The following SLC17A1 variants were observed in gnomAD, a reference collection of about 807,000 sequenced individuals.
The protein encoded by SLC17A1 is solute carrier family 17 member 1, also known as sodium-dependent phosphate transport protein 1.
SLC17A1 carries 51 observed loss-of-function variants against 53.5 expected under a neutral mutation model. That is an observed-to-expected ratio of 0.95 (90% CI 0.76 to 1.20). The LOEUF is 1.20. SLC17A1 is among the 50% of genes most tolerant of loss of function. The pLI, the probability that SLC17A1 is intolerant of heterozygous loss-of-function variation, is 0.00. For missense variants in SLC17A1, 538 were observed against 568.2 expected (o/e 0.95, Z 0.54); for synonymous variants, 179 against 198.8 (o/e 0.90, Z 0.84).
At chr6:25,792,827 T>C (rs78714229) in intron 12 of SLC17A1, among the ~76,000 whole-genome samples, 5,580 of 152,212 alleles carry the variant, frequency 0.037, 146 homozygotes, top group Non-Finnish European at 0.059. Context: ...ATCTGGCTGC[T>C]TCTCACCCTC....
the SLC17A1 span, among the ~76,000 whole-genome samples, chr6:25,759,027 T>C: frequency 1.3e-5 from 2 of 152,220 alleles, no homozygotes; most frequent in Non-Finnish European, 2.9e-5. Flanking sequence ...AAGAATTTTT[T>C]AATTTTCATC....
chr6:25,812,832 T>A lies in SLC17A1; in HGVS notation c.896A>T (p.Glu299Val). The A allele has an allele frequency of 4.4e-6, 7 of 1,599,542 alleles. No homozygotes were observed. The highest frequency in any genetic ancestry group is 6.0e-6 in the Non-Finnish European group (7 of 1,170,810). The change falls in exon 8 of 13, where the codon GAG becomes GTG. Residue 299 changes from glutamate (E) to valine (V), a missense_variant and splice_region_variant. Transcript: ENST00000244527. ...INSMLHVNIK[E>V]NGFLSSLPYL... is the part of the protein sequence containing the mutation. ...AAAAAGAACAAATAGTATACTTACC[T>A]CTTTTATATTAACATGAAGCATGGA...
chr6:25,813,229 A>G lies in SLC17A1; in HGVS notation c.617-16T>C. ...CCACAAGCACCTATCAAAGCAGGGT[A>G]AGTTAGAATTGGAAGTCTCTGTTTG... is the stretch of plus-strand genomic sequence containing the variant. On this transcript the variant is annotated splice_polypyrimidine_tract_variant and intron_variant, in intron 6 of 12. Transcript: ENST00000244527. 2 of 1,600,046 alleles carry G rather than the reference A, an allele frequency of 1.2e-6. No homozygotes were observed. The highest frequency in any genetic ancestry group is 2.2e-5 in the East Asian group (1 of 44,816).
chr6:25,809,120 C>T (rs1330081413), intron 10 of SLC17A1, among the ~76,000 whole-genome samples: 1 of 151,872 alleles, frequency 6.6e-6, no homozygotes, highest in African/African-American at 2.4e-5. Flanking sequence ...AAATAAAGGC[C>T]CTTGTCTTAA....
At chr6:25,726,830 T>G in the SLC17A1 span, 19 of 1,497,908 alleles carry the variant, frequency 1.3e-5, no homozygotes, top group African/African-American at 2.0e-4. Flanking sequence ...TGTTTAATAC[T>G]GAAGAGCTGT....
the SLC17A1 span, chr6:25,769,992 TGCC>T: frequency 7.9e-7 from 1 of 1,263,456 alleles, no homozygotes; most frequent in Admixed American, 1.8e-5. Context: ...AATTAATTTT[TGCC>T]TCTCAAGTCC....
chr6:25,724,417 T>C, the SLC17A1 span, among the ~76,000 whole-genome samples: 4 of 152,186 alleles, frequency 2.6e-5, no homozygotes, highest in Non-Finnish European at 4.4e-5. Flanking sequence ...AGCGAGACTC[T>C]GGCTCCAAAA....
the SLC17A1 span, chr6:25,726,585 C>A: frequency 6.5e-7 from 1 of 1,549,936 alleles, no homozygotes; most frequent in Non-Finnish European, 8.7e-7. Flanking sequence ...GCTACTGGGC[C>A]TATTTATAGT....
At chr6:25,816,991 G>T (rs1764381509) in intron 6 of SLC17A1, among the ~76,000 whole-genome samples, 1 of 152,068 alleles carries the variant, frequency 6.6e-6, no homozygotes, top group Non-Finnish European at 1.5e-5. Context: ...GGGATTATAG[G>T]TGCCTGCCAC....
the SLC17A1 span, among the ~76,000 whole-genome samples, chr6:25,765,907 G>T: frequency 6.6e-6 from 1 of 151,938 alleles, no homozygotes; most frequent in African/African-American, 2.4e-5. Flanking sequence ...TAAAAATGAT[G>T]CTACTCAAGG....
chr6:25,806,553 A>G (rs1763960326), intron 10 of SLC17A1, among the ~76,000 whole-genome samples: 1 of 152,102 alleles, frequency 6.6e-6, no homozygotes, highest in Non-Finnish European at 1.5e-5. Context: ...AAGGAAATAA[A>G]GAGCATTCAA....
chr6:25,779,071 G>A, downstream of SLC17A1: 1 of 1,613,774 alleles, frequency 6.2e-7, no homozygotes. Context: ...AGTTTGGTTG[G>A]AGAAATGTCT....
At chr6:25,762,026 G>A in the SLC17A1 span, 6 of 1,613,320 alleles carry the variant, frequency 3.7e-6, no homozygotes, top group South Asian at 2.2e-5. Context: ...CAATTTAAAC[G>A]TGGCTCAAGA....
chr6:25,762,064 G>A, the SLC17A1 span: 2 of 1,610,060 alleles, frequency 1.2e-6, no homozygotes, highest in Non-Finnish European at 1.7e-6. Flanking sequence ...GTAAAATCAT[G>A]CACAGTAATC....
the SLC17A1 span, among the ~76,000 whole-genome samples, chr6:25,751,028 A>G: frequency 6.6e-6 from 1 of 152,188 alleles, no homozygotes; most frequent in Non-Finnish European, 1.5e-5. Flanking sequence ...AGACTGAAAT[A>G]GCTACCCACA....
chr6:25,827,652 A>T (rs1458362180), intron 2 of SLC17A1, among the ~76,000 whole-genome samples: 2 of 152,144 alleles, frequency 1.3e-5, no homozygotes, highest in African/African-American at 2.4e-5. Flanking sequence ...TAAAGGGCTC[A>T]TGTGATTAGA....
chr6:25,730,210 C>T, the SLC17A1 span, among the ~76,000 whole-genome samples: 41,457 of 152,032 alleles, frequency 0.27, 6,850 homozygotes, highest in East Asian at 0.7. Context: ...TCTGTACTCC[C>T]ATGTTCATTG....
intron 2 of SLC17A1, among the ~76,000 whole-genome samples, chr6:25,828,736 A>C (rs984092200): frequency 6.6e-6 from 1 of 152,232 alleles, no homozygotes; most frequent in African/African-American, 2.4e-5. Flanking sequence ...ATTTTATATC[A>C]TTTTGCAACA....
At chr6:25,765,257 A>C in the SLC17A1 span, among the ~76,000 whole-genome samples, 1 of 152,294 alleles carries the variant, frequency 6.6e-6, no homozygotes, top group African/African-American at 2.4e-5. Context: ...TAGCTGTCAC[A>C]TAATGAGTGC....
Sources: gnomAD v4.1 joint callset for allele counts (sites outside exome capture counted in the v4.1 genomes callset) on GRCh38, gnomAD v4.1.1 for gene constraint, MANE v1.5 for transcripts, NCBI Gene and HGNC (gene_info 2026-07-23, HGNC 2026-07-21) for gene names.